Variants in MBTD1 observed in about 807,000 individuals in gnomAD.
MBTD1 encodes the protein mbt domain containing 1.
Under a neutral mutation model 87.8 loss-of-function variants are expected in MBTD1, and 24 were observed. The ratio of observed to expected loss-of-function variants is 0.27; its 90% CI spans 0.20 to 0.38. The LOEUF is 0.38. MBTD1 is among the 10% of genes least tolerant of loss of function. The probability of loss-of-function intolerance (pLI) is 1.00; values close to 1 mark genes in which losing one functional copy is unlikely to be tolerated. For missense variants in MBTD1, 436 were observed against 760.2 expected (o/e 0.57, Z 5.02); for synonymous variants, 237 against 248.6 (o/e 0.95, Z 0.44).
At chr17:51,204,142 T>C (rs969172212) in intron 7 of MBTD1, among the ~76,000 whole-genome samples, 8 of 152,230 alleles carry the variant, frequency 5.3e-5, no homozygotes, top group African/African-American at 1.7e-4. Flanking sequence ...CCTCAGGTGA[T>C]GCTGTTGCTG....
At chr17:51,197,369 C>T (rs909768580) in intron 12 of MBTD1, among the ~76,000 whole-genome samples, 1 of 151,548 alleles carries the variant, frequency 6.6e-6, no homozygotes, top group African/African-American at 2.4e-5. Flanking sequence ...CCCAAATATT[C>T]CTTCATAGTT....
At chr17:51,251,197 C>G (rs1411853612) in intron 2 of MBTD1, 1 of 152,052 alleles carries the variant, frequency 6.6e-6, no homozygotes, top group Non-Finnish European at 1.5e-5. Context: ...TTTTTTCTTA[C>G]AGTTCTGTAT....
Position 51,259,148 on chromosome 17 carries a change from G to A in MBTD1, c.-54C>T. The A allele has an allele frequency of 1.5e-6, 1 of 687,108 alleles. No homozygotes were observed. The highest frequency in any genetic ancestry group is 1.9e-5 in the African/African-American group (1 of 54,032). The allele number at this position is 687,108 out of a possible 1,614,324, so 42.6% of individuals were successfully genotyped here. A position where few individuals can be genotyped will look rare whatever the true frequency, so the allele number is the denominator to read the frequency against. On this transcript the variant is annotated 5_prime_UTR_variant, in exon 2 of 17. Coordinates refer to ENST00000586178, the MANE Select transcript of MBTD1 (RefSeq NM_017643.3). ...GCAGGGTTCAGACTACCTACCACTT[G>A]TCAGAGAGGCTGCAGAGGGGACGGC...
Position 51,179,504 on chromosome 17 carries a change from A to ATATATATATATATATATATATATATATT in MBTD1, c.*1071_*1072insAATATATATATATATATATATATATATA, listed in dbSNP as rs2050218329. The ATATATATATATATATATATATATATATT allele has an allele frequency of 3.7e-5, 3 of 80,220 alleles. No homozygotes were observed. The highest frequency in any genetic ancestry group is 5.2e-5 in the Non-Finnish European group (2 of 38,334). The allele number at this position is 80,220 out of a possible 1,614,324, so 5.0% of individuals were successfully genotyped here. A position where few individuals can be genotyped will look rare whatever the true frequency, so the allele number is the denominator to read the frequency against. On this transcript the variant is annotated 3_prime_UTR_variant, in exon 17 of 17. Transcript: ENST00000586178. ...CAATTTTATATATATATATATATAT[A>ATATATATATATATATATATATATATATT]TATATATATATATATATATATATAT...
intron 2 of MBTD1, among the ~76,000 whole-genome samples, chr17:51,253,021 AT>A (rs984603661): frequency 1.4e-4 from 21 of 151,668 alleles, no homozygotes; most frequent in Admixed American, 1.4e-3. Flanking sequence ...GACAAGGACC[AT>A]TTTTTTTGGA....
intron 2 of MBTD1, among the ~76,000 whole-genome samples, chr17:51,228,607 C>CAA (rs5820846): frequency 2.2e-5 from 3 of 137,730 alleles, no homozygotes; most frequent in African/African-American, 5.3e-5. Flanking sequence ...ATAAAAAGGA[C>CAA]AAAAAAAAAA....
chr17:51,240,596 C>T lies in MBTD1; in HGVS notation c.-48-15387G>A, dbSNP rs980810436. 5.3e-5 allele frequency among the ~76,000 whole-genome samples: 8 copies of T among 152,142 alleles called. No homozygotes were observed. The South Asian group carries it at 8.3e-4, about 16-fold the overall frequency. On this transcript the variant is annotated intron_variant, in intron 2 of 16. Coordinates refer to ENST00000586178, the MANE Select transcript of MBTD1 (RefSeq NM_017643.3). ...TGTCCTTTGTATCAGAGCATTTCAACGATACACACTAACATGACTTATCAA... is the reference window on the plus strand; with the variant it reads ...TGTCCTTTGTATCAGAGCATTTCAATGATACACACTAACATGACTTATCAA...
At chr17:51,241,345 A>G (rs1386252068) in intron 2 of MBTD1, among the ~76,000 whole-genome samples, 2 of 152,136 alleles carry the variant, frequency 1.3e-5, no homozygotes, top group Non-Finnish European at 2.9e-5. Context: ...TTTCTTTAAT[A>G]AGCAATCTAT....
intron 11 of MBTD1, 145 bp downstream of exon 11, chr17:51,201,875 TAA>T: frequency 2.9e-6 from 2 of 700,360 alleles, no homozygotes; most frequent in East Asian, 2.7e-5. Context: ...ATAATTATAA[TAA>T]AGAGTTGTGA....
At chr17:51,232,343 G>A (rs939219015) in intron 2 of MBTD1, among the ~76,000 whole-genome samples, 1 of 152,020 alleles carries the variant, frequency 6.6e-6, no homozygotes, top group Non-Finnish European at 1.5e-5. Flanking sequence ...ATGAGCGCAC[G>A]ATCAAATAGC....
intron 2 of MBTD1, among the ~76,000 whole-genome samples, chr17:51,235,895 A>C (rs1160551821): frequency 3.3e-5 from 5 of 152,192 alleles, no homozygotes; most frequent in African/African-American, 1.2e-4. Flanking sequence ...CCTGACTCCA[A>C]GATATATTAT....
At chr17:51,187,305 T>C (rs576508065) in intron 16 of MBTD1, among the ~76,000 whole-genome samples, 7 of 151,252 alleles carry the variant, frequency 4.6e-5, no homozygotes, top group African/African-American at 1.7e-4. Context: ...TGGAGTCTGA[T>C]GTGGGAGATT....
intron 2 of MBTD1, among the ~76,000 whole-genome samples, chr17:51,235,188 T>C (rs1375610204): frequency 6.6e-6 from 1 of 151,876 alleles, no homozygotes; most frequent in African/African-American, 2.4e-5. Context: ...CAGGCTGGAG[T>C]GCAGCGGTGA....
intron 2 of MBTD1, among the ~76,000 whole-genome samples, chr17:51,227,946 C>G (rs145382253): frequency 6.9e-6 from 1 of 144,922 alleles, no homozygotes; most frequent in Non-Finnish European, 1.5e-5. Context: ...AGCAAGATTC[C>G]GTCTCAAGAA....
chr17:51,214,312 G>A (rs553421051), intron 6 of MBTD1, among the ~76,000 whole-genome samples: 175 of 151,634 alleles, frequency 1.2e-3, no homozygotes, highest in African/African-American at 4.0e-3. Context: ...TTCCACTGCC[G>A]ATTATAAAAA....
chr17:51,216,847 T>C (rs74682957), intron 6 of MBTD1, among the ~76,000 whole-genome samples: 3,927 of 152,238 alleles, frequency 0.026, 80 homozygotes, highest in Non-Finnish European at 0.037. Flanking sequence ...TTCTCCCAAG[T>C]TGCTAGGAAT....
At chr17:51,194,314 A>T (rs1314908147) in intron 13 of MBTD1, among the ~76,000 whole-genome samples, 1 of 152,142 alleles carries the variant, frequency 6.6e-6, no homozygotes, top group Non-Finnish European at 1.5e-5. Context: ...TCACGCCTAT[A>T]ATCCCAGCAT....
chr17:51,193,045 G>T, intron 14 of MBTD1, 29 bp from the exon 15 acceptor site: 1 of 1,500,712 alleles, frequency 6.7e-7, no homozygotes. Flanking sequence ...CATTAATATT[G>T]GTATGAAGAA....
rs866313087 is a variant in MBTD1 at position 51,197,081 on chromosome 17, T to G, written c.1225-1720A>C. On this transcript the variant is annotated intron_variant, in intron 12 of 16. Transcript: ENST00000586178. ...ATATATATATATATATATATATATA[T>G]ATATATATATATATATATATATATA... Among the ~76,000 whole-genome samples, 111 of 20,086 alleles carry G rather than the reference T, an allele frequency of 5.5e-3. 7 individuals are homozygous for G. Among genetic ancestry groups the G allele is most frequent in the African/African-American group, 0.032 (103 of 3,248 alleles). 13.2% of individuals were successfully genotyped at this position (20,086 alleles called of 152,430 possible).
Sources: allele counts gnomAD v4.1 joint callset (sites outside exome capture counted in the v4.1 genomes callset), GRCh38; gene constraint gnomAD v4.1.1; transcripts MANE v1.5; gene names NCBI Gene and HGNC (gene_info 2026-07-23, HGNC 2026-07-21).